Variants in MINDY4 observed in about 807,000 individuals in gnomAD.
MINDY4 encodes probable ubiquitin carboxyl-terminal hydrolase MINDY-4.
A neutral mutation model predicts 87.0 loss-of-function variants in MINDY4; 68 were observed. The ratio of observed to expected loss-of-function variants is 0.78; its 90% confidence interval spans 0.64 to 0.96. The LOEUF (loss-of-function observed/expected upper bound fraction) is 0.96. MINDY4 is among the 40% of genes least tolerant of loss of function. The pLI, the probability that MINDY4 is intolerant of heterozygous loss-of-function variation, is 0.00. For missense variants in MINDY4, 919 were observed against 928.2 expected (o/e 0.99, Z 0.13); for synonymous variants, 379 against 363.2 (o/e 1.04, Z -0.50).
At position 30,840,289 on chromosome 7, in the gene MINDY4, G is replaced by A. The variant is rs117707423; in HGVS notation, c.1357-471G>A. 5.0e-4 allele frequency among the ~76,000 whole-genome samples: 76 copies of A among 152,342 alleles called. 2 individuals are homozygous for A. In the East Asian group the frequency reaches 0.014, roughly 29 times the overall value. ...GGTGCTGAAGCAGGCCACAAGTGGG[G>A]CAGAAGAGAGCGCAGAGCTCATGTA... is the stretch of plus-strand genomic sequence containing the variant. On this transcript the variant is annotated intron_variant, in intron 8 of 17. Transcript: ENST00000265299.
chr7:30,878,882 C>T (rs1790370681), intron 15 of MINDY4, among the ~76,000 whole-genome samples: 1 of 152,214 alleles, frequency 6.6e-6, no homozygotes, highest in Admixed American at 6.5e-5. Context: ...AGTTGTTTCT[C>T]AAGCCCATCC....
rs938137303 is a variant in MINDY4 at position 30,834,508 on chromosome 7, G to A, written c.1133-2150G>A. ...TAGGCCTCCGGGTCTGTGATGGGAG[G>A]GCGTGCCATGAAGACCTCTGACATG... On this transcript the variant is annotated intron_variant, in intron 6 of 17. Transcript: ENST00000265299. Among the ~76,000 whole-genome samples, 109 of 152,222 alleles carry A rather than the reference G, an allele frequency of 7.2e-4. 1 individual carries two copies. Among genetic ancestry groups the A allele is most frequent in the East Asian group, 1.9e-4 (1 of 5,196 alleles).
intron 5 of MINDY4, among the ~76,000 whole-genome samples, chr7:30,822,721 A>C (rs1165518874): frequency 6.6e-6 from 1 of 151,570 alleles, no homozygotes; most frequent in Non-Finnish European, 1.5e-5. Flanking sequence ...TGCAGTCTTG[A>C]CTTCCCAGGC....
At chr7:30,811,214 T>C (rs1174507426) in intron 5 of MINDY4, among the ~76,000 whole-genome samples, 1 of 151,956 alleles carries the variant, frequency 6.6e-6, no homozygotes, top group East Asian at 1.9e-4. Flanking sequence ...CAGTGTTACA[T>C]GTATTATAGT....
intron 5 of MINDY4, among the ~76,000 whole-genome samples, chr7:30,799,058 A>G (rs1417675202): frequency 2.0e-5 from 3 of 152,040 alleles, no homozygotes; most frequent in Non-Finnish European, 2.9e-5. Context: ...GCAAGTCCCC[A>G]TCTTGCCTTT....
intron 15 of MINDY4, among the ~76,000 whole-genome samples, chr7:30,878,548 C>T (rs910556787): frequency 2.6e-5 from 4 of 152,174 alleles, no homozygotes; most frequent in Non-Finnish European, 5.9e-5. Context: ...CAAGGCTCAC[C>T]GGTAAGGGGT....
At chr7:30,832,438 C>T (rs746300157) in intron 6 of MINDY4, among the ~76,000 whole-genome samples, 19 of 152,222 alleles carry the variant, frequency 1.2e-4, no homozygotes, top group Non-Finnish European at 5.9e-5. Context: ...ATCTCTTTTC[C>T]TCCAGAGAAC....
chr7:30,789,026 A>C (rs1391831565), intron 4 of MINDY4, among the ~76,000 whole-genome samples: 4 of 152,224 alleles, frequency 2.6e-5, no homozygotes, highest in Admixed American at 2.6e-4. Context: ...TGGGGCCAGC[A>C]GTTTTTCCCA....
Position 30,875,579 on chromosome 7 carries a change from A to G in MINDY4, c.1894A>G (p.Ile632Val), listed in dbSNP as rs755693382. The change falls in exon 15 of 18, where the codon ATC becomes GTC. Residue 632 changes from isoleucine (I) to valine (V), a missense_variant. Transcript: ENST00000265299. ...VVELDSGDGNITLLRGIAARS... is the reference protein window; with the variant it reads ...VVELDSGDGNVTLLRGIAARS... ...TGAGCTGGATTCTGGGGATGGGAAC[A>G]TCACACTTCTCAGAGGCATTGCTGC... The G allele has an allele frequency of 7.4e-6, 12 of 1,614,222 alleles. No homozygotes were observed. The highest frequency in any genetic ancestry group is 2.2e-5 in the East Asian group (1 of 44,888).
intron 5 of MINDY4, among the ~76,000 whole-genome samples, chr7:30,821,250 C>A (rs1407600737): frequency 2.6e-5 from 4 of 151,958 alleles, no homozygotes; most frequent in African/African-American, 9.7e-5. Flanking sequence ...AAATGCTTGC[C>A]GATTTCTTTT....
intron 5 of MINDY4, among the ~76,000 whole-genome samples, chr7:30,822,091 G>A (rs1384860255): frequency 6.6e-6 from 1 of 151,802 alleles, no homozygotes; most frequent in Admixed American, 6.6e-5. Context: ...CATTTCACTT[G>A]TAAATATTTC....
At chr7:30,779,076 GA>G (rs1786918663) in intron 2 of MINDY4, among the ~76,000 whole-genome samples, 1 of 152,178 alleles carries the variant, frequency 6.6e-6, no homozygotes, top group Non-Finnish European at 1.5e-5. Flanking sequence ...TCTTGGGCGG[GA>G]AGGGGGCTTC....
chr7:30,772,994 C>G (rs1786691255), intron 1 of MINDY4, among the ~76,000 whole-genome samples: 1 of 152,180 alleles, frequency 6.6e-6, no homozygotes, highest in Non-Finnish European at 1.5e-5. Context: ...CACCACCCCC[C>G]ACTTGACATG....
chr7:30,778,810 T>G (rs1401810167), intron 2 of MINDY4, among the ~76,000 whole-genome samples: 2 of 152,238 alleles, frequency 1.3e-5, no homozygotes, highest in Non-Finnish European at 2.9e-5. Context: ...CCTGTGGCAG[T>G]GCTCAGCCTC....
intron 17 of MINDY4, among the ~76,000 whole-genome samples, chr7:30,888,260 G>T (rs538661791): frequency 1.3e-5 from 2 of 152,146 alleles, no homozygotes; most frequent in African/African-American, 4.8e-5. Flanking sequence ...GTGTTTTTAC[G>T]GAGCGAGTGG....
chr7:30,887,270 C>G (rs914969517), intron 17 of MINDY4, among the ~76,000 whole-genome samples: 1 of 152,104 alleles, frequency 6.6e-6, no homozygotes. Flanking sequence ...CATGCCAGCC[C>G]TCTTCTGATG....
chr7:30,772,048 G>A (rs1358954737), intron 1 of MINDY4, among the ~76,000 whole-genome samples: 1 of 152,258 alleles, frequency 6.6e-6, no homozygotes, highest in East Asian at 1.9e-4. Context: ...AATTCCAGTG[G>A]TTGCTTTAAT....
chr7:30,844,768 G>A (rs1411298754), intron 9 of MINDY4, among the ~76,000 whole-genome samples: 6 of 152,192 alleles, frequency 3.9e-5, no homozygotes, highest in Non-Finnish European at 8.8e-5. Context: ...GGGGAAGGGT[G>A]CTGAAGAGGG....
chr7:30,776,967 A>ATTTCTTTTCTTTTCTTTTCTTT (rs70983390), intron 1 of MINDY4, among the ~76,000 whole-genome samples: 2 of 149,734 alleles, frequency 1.3e-5, no homozygotes, highest in Admixed American at 6.6e-5. Context: ...CCCCAATGGT[A>ATTTCTTTTCTTTTCTTTTCTTT]TTTCTTTTCT....
Sources: allele counts gnomAD v4.1 joint callset (sites outside exome capture counted in the v4.1 genomes callset), GRCh38; gene constraint gnomAD v4.1.1; transcripts MANE v1.5; gene names NCBI Gene and HGNC (gene_info 2026-07-23, HGNC 2026-07-21).